DHRS12: variants seen among roughly 807,000 people sequenced by gnomAD.
DHRS12 encodes the protein dehydrogenase/reductase SDR family member 12.
Under a neutral mutation model 32.1 loss-of-function variants are expected in DHRS12, and 29 were observed. The observed-to-expected ratio is 0.90, with a 90% CI of 0.67 to 1.23. DHRS12 has a LOEUF of 1.23. DHRS12 is among the 50% of genes most tolerant of loss of function. The pLI, the probability that DHRS12 is intolerant of heterozygous loss-of-function variation, is 0.00. For synonymous variants in DHRS12, 150 were observed against 135.9 expected, an observed-to-expected ratio of 1.10 and a Z score of -0.72; for missense variants, 330 against 337.2, an observed-to-expected ratio of 0.98 and a Z score of 0.17.
intron 2 of DHRS12, among the ~76,000 whole-genome samples, chr13:51,793,259 C>T (rs1027738479): frequency 1.6e-4 from 24 of 152,298 alleles, no homozygotes; most frequent in Non-Finnish European, 2.6e-4. Context: ...ATGAATGCAA[C>T]GGCATCCTCT....
At chr13:51,795,150 C>T (rs1157940289) in intron 2 of DHRS12, among the ~76,000 whole-genome samples, 2 of 152,178 alleles carry the variant, frequency 1.3e-5, no homozygotes, top group African/African-American at 4.8e-5. Flanking sequence ...CTCCCTGGCT[C>T]AGCTGGCCTG....
chr13:51,787,314 C>G (rs115407707), intron 4 of DHRS12, among the ~76,000 whole-genome samples: 2,652 of 152,168 alleles, frequency 0.017, 76 homozygotes, highest in African/African-American at 0.061. Flanking sequence ...GTCCACATTC[C>G]CAAGCAAGGC....
At chr13:51,787,053 C>G (rs935533660) in intron 4 of DHRS12, among the ~76,000 whole-genome samples, 1 of 152,182 alleles carries the variant, frequency 6.6e-6, no homozygotes, top group Non-Finnish European at 1.5e-5. Context: ...GGAGCTGCCC[C>G]TCTGTGCTGG....
At position 51,799,599 on chromosome 13, in the gene DHRS12, ACT is replaced by A. The variant is rs770291566; in HGVS notation, c.59_60del (p.Glu20ValfsTer33). 3.2e-5 allele frequency: 51 copies of A among 1,613,682 alleles called. No individual in the cohort carries two copies. The East Asian group carries it at 9.6e-4, about 30-fold the overall frequency. The part of the protein sequence containing the change: ...LMTWRSRFLE[E>X]SFWSLEETAA... Reference sequence around the variant, plus strand: ...GCTGTTTCCTCCAGTGACCAAAAAGACTCTTCCAGGAATCTGGACCTCCAAGT... The same window carrying A: ...GCTGTTTCCTCCAGTGACCAAAAAGACTTCCAGGAATCTGGACCTCCAAGT... On this transcript the variant is annotated frameshift_variant, in exon 2 of 9. Transcript: ENST00000444610. LOFTEE classifies it high-confidence loss of function.
At chr13:51,799,425 C>T in intron 2 of DHRS12, 109 bp downstream of exon 2, 1 of 1,496,498 alleles carries the variant, frequency 6.7e-7, no homozygotes, top group Non-Finnish European at 9.0e-7. Context: ...CATGGGATCG[C>T]CGTCCAGGAC....
At chr13:51,797,783 T>C (rs1473388334) in intron 2 of DHRS12, 5 of 1,522,592 alleles carry the variant, frequency 3.3e-6, no homozygotes, top group African/African-American at 2.8e-5. Context: ...CAGCTGACCA[T>C]GGAGGCAAGG....
At chr13:51,796,723 A>AGCAG (rs1955527555) in intron 2 of DHRS12, among the ~76,000 whole-genome samples, 2 of 152,154 alleles carry the variant, frequency 1.3e-5, no homozygotes, top group Admixed American at 1.3e-4. Flanking sequence ...GAAAGTTATC[A>AGCAG]GCAGGCAGAC....
rs1955888429 is a variant in DHRS12, at chr13:51,804,146, C to T, written c.-101G>A. 1.1e-5 allele frequency: 16 copies of T among 1,445,728 alleles called. No homozygotes were observed. Among genetic ancestry groups the T allele is most frequent in the African/African-American group, 4.4e-5 (3 of 67,544 alleles). The allele number at this position is 1,445,728 out of a possible 1,614,324, so 89.6% of individuals were successfully genotyped here. On this transcript the variant is annotated 5_prime_UTR_variant, in exon 1 of 9. Coordinates refer to ENST00000444610, the MANE Select transcript of DHRS12 (RefSeq NM_001377533.1). ...CCCACGCCTAGCCCCACCGCGCTCC[C>T]GGCGCGGCCTCCGCCCTGGTCCCGC...
intron 5 of DHRS12, 60 bp from the exon 6 acceptor site, chr13:51,774,094 C>A: frequency 2.0e-6 from 3 of 1,498,250 alleles, no homozygotes; most frequent in African/African-American, 2.8e-5. Flanking sequence ...CACTCTTCAC[C>A]CCCTGTAGAG....
At chr13:51,777,165 C>G in intron 4 of DHRS12, 44 bp from the exon 5 acceptor site, 2 of 1,610,816 alleles carry the variant, frequency 1.2e-6, no homozygotes, top group Non-Finnish European at 1.7e-6. Context: ...GCAGGAAGCC[C>G]CAACTCAAGG....
In DHRS12 at chr13:51,790,003, G is replaced by C. The variant is rs774653411; in HGVS notation, c.301+8C>G. 4.2e-5 allele frequency: 66 copies of C among 1,581,158 alleles called. 1 individual carries two copies. Among genetic ancestry groups the C allele is most frequent in the Non-Finnish European group, 5.1e-6 (6 of 1,166,854 alleles). ...CTAAAAACAAATAAGAAAACTTCTT[G>C]TACTTACCCAGAGTATTGGCAGCAA... On this transcript the variant is annotated splice_region_variant and intron_variant, in intron 4 of 8. Transcript: ENST00000444610.
rs1022980507 is a variant in DHRS12, at chr13:51,769,200, A to G, written c.653T>C (p.Leu218Pro). The G allele has an allele frequency of 6.4e-7, 1 of 1,564,988 alleles. No individual in the cohort carries two copies. Among genetic ancestry groups the G allele is most frequent in the African/African-American group, 1.4e-5 (1 of 73,654 alleles). ...QGADTMLWLA[L>P]SSAAAAQPSG... ...GGGCTGTGCGGCTGCGGCAGAGGAG[A>G]GGGCCAGCCACAGCATGGTGTCCGC... The change falls in exon 8 of 9, where the codon CTC becomes CCC. Residue 218 changes from leucine (L) to proline (P), a missense_variant. Leu to Pro is a moderately conservative substitution (Grantham distance 98). Coordinates refer to ENST00000444610, the MANE Select transcript of DHRS12 (RefSeq NM_001377533.1).
At chr13:51,800,434 T>C (rs771522271) in intron 1 of DHRS12, among the ~76,000 whole-genome samples, 1 of 152,264 alleles carries the variant, frequency 6.6e-6, no homozygotes, top group Non-Finnish European at 1.5e-5. Flanking sequence ...TGAAATTGGC[T>C]AAGGGCAGTG....
chr13:51,799,515 CGT>C lies in DHRS12; in HGVS notation c.126+17_126+18del. 1 of 1,612,208 alleles carries C rather than the reference CGT, an allele frequency of 6.2e-7. No individual in the cohort carries two copies. The highest frequency in any genetic ancestry group is 8.5e-7 in the Non-Finnish European group (1 of 1,179,536). ...CTGGCCGTGGGGCTCAGTGGACACACGTGTTAGCAGCTGCTTACCTCGCTTGG... is the reference window on the plus strand; with the variant it reads ...CTGGCCGTGGGGCTCAGTGGACACACGTTAGCAGCTGCTTACCTCGCTTGG... On this transcript the variant is annotated intron_variant, in intron 2 of 8. Coordinates refer to ENST00000444610, the MANE Select transcript of DHRS12 (RefSeq NM_001377533.1).
At position 51,782,192 on chromosome 13, in the gene DHRS12, G is replaced by A. The variant is rs1396048544; in HGVS notation, c.302-5071C>T. On this transcript the variant is annotated intron_variant, in intron 4 of 8. Transcript: ENST00000444610. This position sits in a 1 kb window ranked among gnomAD's most constrained non-coding sequence, Gnocchi z 4.2. Reference sequence around the variant, plus strand: ...GCTGAGTCTGAGGTGTTTGAGATCTGGACCTGGAACTCAGAAGAGAGATCT... The same window carrying A: ...GCTGAGTCTGAGGTGTTTGAGATCTAGACCTGGAACTCAGAAGAGAGATCT... Among the ~76,000 whole-genome samples, 5 of 152,078 alleles carry A rather than the reference G, an allele frequency of 3.3e-5. No individual in the cohort carries two copies. The highest frequency in any genetic ancestry group is 1.2e-4 in the African/African-American group (5 of 41,376).
At chr13:51,772,415 G>A (rs1282472410) in intron 6 of DHRS12, among the ~76,000 whole-genome samples, 2 of 152,120 alleles carry the variant, frequency 1.3e-5, no homozygotes, top group East Asian at 3.9e-4. Context: ...CTGAGGTCAG[G>A]AGTTCAAGAC....
intron 1 of DHRS12, 159 bp downstream of exon 1, chr13:51,803,895 G>A: frequency 1.7e-6 from 1 of 572,336 alleles, no homozygotes; most frequent in East Asian, 4.0e-5. Context: ...CCCAGCCGTG[G>A]GTCGCTAGAC....
chr13:51,773,981 G>C lies in DHRS12; in HGVS notation c.417C>G (p.Leu139=). Residue 139 remains leucine, a synonymous_variant, in exon 6 of 9, where the codon CTC becomes CTG. Coordinates refer to ENST00000444610, the MANE Select transcript of DHRS12 (RefSeq NM_001377533.1). The part of the protein sequence containing the change: ...MLVQKLNTND[L]QSERTPFDGT... The stretch of plus-strand genomic sequence containing the variant: ...CATCAAATGGTGTTCTTTCGGACTG[G>C]AGATCATTGGTGTTCAGTTTCTGAA... 1 of 1,614,044 alleles carries C rather than the reference G, an allele frequency of 6.2e-7. No homozygotes were observed. Among genetic ancestry groups the C allele is most frequent in the Non-Finnish European group, 8.5e-7 (1 of 1,179,962 alleles).
In DHRS12 at chr13:51,776,020, ATT is replaced by A. The variant is rs1410091307; in HGVS notation, c.363+1038_363+1039del. ...TATTCTACAGTATTCTCCTACATGT[ATT>A]CTCCTACATGTATTCTACAGTATTC... On this transcript the variant is annotated intron_variant, in intron 5 of 8. Coordinates refer to ENST00000444610, the MANE Select transcript of DHRS12 (RefSeq NM_001377533.1). 16 of 130,578 alleles carry A rather than the reference ATT, an allele frequency of 1.2e-4. 1 individual carries two copies. The highest frequency in any genetic ancestry group is 2.1e-4 in the East Asian group (1 of 4,866). The allele number at this position is 130,578 out of a possible 1,614,324, so 8.1% of individuals were successfully genotyped here.
Sources: gnomAD v4.1 joint callset for allele counts (sites outside exome capture counted in the v4.1 genomes callset) on GRCh38, gnomAD v4.1.1 for gene constraint, Gnocchi (gnomAD v3.1) non-coding constraint, MANE v1.5 for transcripts, NCBI Gene and HGNC (gene_info 2026-07-23, HGNC 2026-07-21) for gene names.